Variants in CRNKL1 observed in about 807,000 individuals in gnomAD.
CRNKL1 encodes the protein crooked neck-like protein 1.
CRNKL1 carries 35 observed loss-of-function variants against 103.7 expected under a neutral mutation model. The ratio of observed to expected loss-of-function variants is 0.34; its 90% CI spans 0.26 to 0.45. The LOEUF is 0.45. Among genes scored for constraint, CRNKL1 ranks in the 20% least tolerant of loss-of-function variants. The pLI is 1.00. For synonymous variants in CRNKL1, 267 were observed against 282.6 expected (o/e 0.94, Z 0.55); for missense variants, 645 against 836.0 (o/e 0.77, Z 2.82).
chr20:20,055,572 C>T (rs747940471), upstream of CRNKL1, among the ~76,000 whole-genome samples: 2 of 152,164 alleles, frequency 1.3e-5, no homozygotes, highest in Non-Finnish European at 2.9e-5. Context: ...GAATTTCCCT[C>T]GCTCGCTTTC....
chr20:20,039,530 C>G (rs1436825865), intron 11 of CRNKL1, 79 bp downstream of exon 11: 16 of 1,513,322 alleles, frequency 1.1e-5, no homozygotes, highest in Non-Finnish European at 1.4e-5. Flanking sequence ...CTCTAAAATA[C>G]ACCCACATTT....
chr20:20,038,484 A>T, intron 11 of CRNKL1, 34 bp from the exon 12 acceptor site: 1 of 1,296,724 alleles, frequency 7.7e-7, no homozygotes, highest in Non-Finnish European at 1.1e-6. Context: ...CAGTCTTGAC[A>T]TTTACAAAGC....
chr20:20,052,632 C>T (rs2146512905), upstream of CRNKL1: 1 of 1,613,476 alleles, frequency 6.2e-7, no homozygotes, highest in Non-Finnish European at 8.5e-7. Context: ...GCAAGGACTG[C>T]GGTGCAGGGC....
chr20:20,038,418 A>G lies in CRNKL1; in HGVS notation c.1578T>C (p.Ile526=), dbSNP rs199819737. 2 of 1,552,276 alleles carry G rather than the reference A, an allele frequency of 1.3e-6. No individual in the cohort carries two copies. Among genetic ancestry groups the G allele is most frequent in the Non-Finnish European group, 1.7e-6 (2 of 1,147,066 alleles). The stretch of plus-strand genomic sequence containing the variant: ...GTGTTCTTTCTGTTTCTTCCTGCTC[A>G]ATTTCAAAATCAATATATGATTTCC... ...VLWKSYIDFE[I]EQEETERTRN... is the part of the protein sequence containing the mutation. The change falls in exon 12 of 14, where the codon ATT becomes ATC. Residue 526 remains isoleucine (I), a synonymous_variant. Transcript: ENST00000536226.
At chr20:20,053,833 T>G (rs536830721), upstream of CRNKL1, among the ~76,000 whole-genome samples, 97 of 152,254 alleles carry the variant, frequency 6.4e-4, no homozygotes, top group African/African-American at 2.3e-3. Context: ...TGAAGTGATT[T>G]TCCTTAAATG....
chr20:20,035,390 T>C lies in CRNKL1; in HGVS notation c.*805A>G, dbSNP rs938781888. On this transcript the variant is annotated 3_prime_UTR_variant, in exon 14 of 14. Transcript: ENST00000536226. Reference sequence around the variant, plus strand: ...TGTGAACATGGGACATCATTTTTCATAGCACACACGTGAACAAGCCATTAT... The same window carrying C: ...TGTGAACATGGGACATCATTTTTCACAGCACACACGTGAACAAGCCATTAT... The C allele has an allele frequency of 2.0e-5, 3 of 152,226 alleles. No individual in the cohort carries two copies. Among genetic ancestry groups the C allele is most frequent in the African/African-American group, 7.2e-5 (3 of 41,466 alleles). The allele number at this position is 152,226 out of a possible 1,614,324, so 9.4% of individuals were successfully genotyped here.
At chr20:20,041,150 GA>G (rs1176197573) in intron 9 of CRNKL1, among the ~76,000 whole-genome samples, 9 of 152,200 alleles carry the variant, frequency 5.9e-5, no homozygotes, top group Non-Finnish European at 1.2e-4. Flanking sequence ...TCTACAGAAG[GA>G]AACACGTTTT....
intron 1 of CRNKL1, 42 bp downstream of exon 1, chr20:20,052,250 T>C (rs2043775753): frequency 2.6e-6 from 4 of 1,554,356 alleles, no homozygotes; most frequent in Non-Finnish European, 3.5e-6. Flanking sequence ...GGGATGCCCC[T>C]TTCCTAGGCC....
chr20:20,042,908 T>A (rs1181258342), intron 7 of CRNKL1, among the ~76,000 whole-genome samples: 1 of 152,252 alleles, frequency 6.6e-6, no homozygotes, highest in African/African-American at 2.4e-5. Context: ...TAGCAATTCA[T>A]CTTTAACATA....
In CRNKL1 at chr20:20,039,756, C is replaced by A. The variant is rs763886828; in HGVS notation, c.1398G>T (p.Lys466Asn). ...LQLREFDRCRKLYEKFLEFGP... is the reference protein window; with the variant it reads ...LQLREFDRCRNLYEKFLEFGP... ...CAAATTCCAGGAACTTTTCATAAAG[C>A]TTCCGGCATCTGTCAAATTCTCGAA... Residue 466 changes from lysine to asparagine, a missense_variant, in exon 11 of 14, where the codon AAG (lysine) becomes AAT (asparagine). Coordinates refer to ENST00000536226, the MANE Select transcript of CRNKL1 (RefSeq NM_001278628.2). 1 of 1,614,182 alleles carries A rather than the reference C, an allele frequency of 6.2e-7. No homozygotes were observed. The highest frequency in any genetic ancestry group is 8.5e-7 in the Non-Finnish European group (1 of 1,180,018).
At chr20:20,049,100 T>C (rs1392112539) in intron 3 of CRNKL1, among the ~76,000 whole-genome samples, 3 of 150,610 alleles carry the variant, frequency 2.0e-5, no homozygotes, top group Non-Finnish European at 2.9e-5. Flanking sequence ...AAATTGTGCT[T>C]CTTTAGCTAC....
In CRNKL1 at chr20:20,040,759, A is replaced by G; in HGVS notation, c.1232T>C (p.Phe411Ser). ...TGCATACAGTATCCACATTTTGGCA[A>G]ATGTGAACTAGAAAACAAAAGCACA... ...LELIPHKKFT[F>S]AKMWILYAQF... Residue 411 changes from phenylalanine to serine, a missense_variant, in exon 10 of 14, where the codon TTT becomes TCT. Physicochemically the swap from Phe to Ser is radical, Grantham distance 155. This residue lies in a region of CRNKL1 where 582 missense variants were observed against 707.7 expected (regional missense o/e 0.82). Transcript: ENST00000536226. 6.2e-7 allele frequency: 1 copy of G among 1,606,812 alleles called. No individual in the cohort carries two copies. Among genetic ancestry groups the G allele is most frequent in the Non-Finnish European group, 8.5e-7 (1 of 1,177,506 alleles).
Position 20,038,395 on chromosome 20 carries a change from GTTCT to G in CRNKL1, c.1597_1600del (p.Arg533HisfsTer34). 3 of 1,552,714 alleles carry G rather than the reference GTTCT, an allele frequency of 1.9e-6. No individual in the cohort carries two copies. Among genetic ancestry groups the G allele is most frequent in the Non-Finnish European group, 2.6e-6 (3 of 1,147,272 alleles). ...AAGCAACCGCCGGTAAAGGTTTCGT[GTTCT>G]TTCTGTTTCTTCCTGCTCAATTTCA... On this transcript the variant is annotated frameshift_variant, in exon 12 of 14. Coordinates refer to ENST00000536226, the MANE Select transcript of CRNKL1 (RefSeq NM_001278628.2). LOFTEE classifies it high-confidence loss of function.
upstream of CRNKL1, among the ~76,000 whole-genome samples, chr20:20,055,013 C>A (rs371611620): frequency 2.4e-4 from 36 of 152,186 alleles, no homozygotes; most frequent in African/African-American, 6.7e-4. Context: ...TCTGTATTTT[C>A]TGTTTCTATG....
chr20:20,051,709 A>C (rs1251222317), intron 1 of CRNKL1, among the ~76,000 whole-genome samples: 2 of 152,228 alleles, frequency 1.3e-5, no homozygotes, highest in African/African-American at 4.8e-5. Flanking sequence ...AGCACTTGGT[A>C]AGTATTAGCT....
rs1318084755 is a variant in CRNKL1, at chr20:20,037,526, C to T, written c.1693G>A (p.Gly565Arg). 1.9e-6 allele frequency: 3 copies of T among 1,614,102 alleles called. No individual in the cohort carries two copies. Among genetic ancestry groups the T allele is most frequent in the South Asian group, 2.2e-5 (2 of 91,078 alleles). The change falls in exon 13 of 14, where the codon GGA becomes AGA. Residue 565 changes from glycine (G) to arginine (R), a missense_variant. By Grantham distance (125) the Gly-to-Arg change is moderately radical (BLOSUM62 -2). Around this residue, in one of 2 missense-constraint regions of CRNKL1, gnomAD observed 582 missense variants for 707.7 expected, o/e 0.82. Transcript: ENST00000536226. Reference protein sequence around the residue: ...AQFELSSGKEGSLTKCRQIYE... With the variant: ...AQFELSSGKERSLTKCRQIYE... ...ATTTGTCTGCATTTAGTCAAACTTC[C>T]TTCTTTTCCTGAAGACAACTCAAAC...
chr20:20,047,605 A>G (rs1165269503), intron 5 of CRNKL1, among the ~76,000 whole-genome samples, 160 bp downstream of exon 5: 1 of 151,208 alleles, frequency 6.6e-6, no homozygotes, highest in African/African-American at 2.4e-5. Flanking sequence ...ATTCTGACCA[A>G]TCTCTTTCCC....
At position 20,034,679 on chromosome 20, in the gene CRNKL1, T is replaced by C. The variant is rs1248098918; in HGVS notation, c.*1516A>G. 1 of 152,246 alleles carries C rather than the reference T, an allele frequency of 6.6e-6. No individual in the cohort carries two copies. The highest frequency in any genetic ancestry group is 2.4e-5 in the African/African-American group (1 of 41,464). 9.4% of individuals were successfully genotyped at this position (152,246 alleles called of 1,614,324 possible). A position where few individuals can be genotyped will look rare whatever the true frequency, so the allele number is the denominator to read the frequency against. The stretch of plus-strand genomic sequence containing the variant: ...CTCCTGCTCACTCACTAGGCAGACC[T>C]CTACTCGAGAAGTGATCTGACACCG... On this transcript the variant is annotated 3_prime_UTR_variant, in exon 14 of 14. Transcript: ENST00000536226.
At chr20:20,039,931 T>G (rs1393239155) in intron 10 of CRNKL1, 83 bp from the exon 11 acceptor site, 4 of 1,410,208 alleles carry the variant, frequency 2.8e-6, no homozygotes, top group Non-Finnish European at 3.9e-6. Context: ...GAGGCTGTTC[T>G]CTGCTGAGGA....
Sources: gnomAD v4.1 joint callset for allele counts (sites outside exome capture counted in the v4.1 genomes callset) on GRCh38, gnomAD v4.1.1 for gene constraint, gnomAD v4.1.1 regional missense constraint, MANE v1.5 for transcripts, NCBI Gene and HGNC (gene_info 2026-07-23, HGNC 2026-07-21) for gene names.